The following CSMD1 variants were observed in gnomAD, a reference collection of about 807,000 sequenced individuals.
The protein encoded by CSMD1 is CUB and sushi domain-containing protein 1.
In CSMD1, 213 loss-of-function variants were observed where a neutral mutation model predicts 417.5. That is an observed-to-expected ratio of 0.51 (90% CI 0.46 to 0.57). The LOEUF (loss-of-function observed/expected upper bound fraction) is 0.57, where lower values mean the gene tolerates loss of function less well. Ranked by LOEUF, CSMD1 falls within the 20% of genes least tolerant of loss-of-function variation. The pLI, the probability that CSMD1 is intolerant of heterozygous loss-of-function variation, is 0.00. For missense variants in CSMD1, 6,923 were observed against 4,529.7 expected (o/e 1.53, Z -15.17); for synonymous variants, 2,862 against 1,736.8 (o/e 1.65, Z -16.11).
At chr8:4,752,777 G>A (rs75779106) in intron 1 of CSMD1, among the ~76,000 whole-genome samples, 9 of 152,270 alleles carry the variant, frequency 5.9e-5, no homozygotes, top group African/African-American at 2.2e-4. Flanking sequence ...AGGTATTGCA[G>A]ACTAAACAGG....
intron 5 of CSMD1, among the ~76,000 whole-genome samples, chr8:3,988,720 G>C (rs1814518788): frequency 6.6e-6 from 1 of 152,174 alleles, no homozygotes; most frequent in Admixed American, 6.5e-5. Context: ...ATAGCATTTT[G>C]ATTTTCATTC....
chr8:3,747,037 C>G (rs531373343), intron 6 of CSMD1, among the ~76,000 whole-genome samples: 1 of 152,346 alleles, frequency 6.6e-6, no homozygotes, highest in Non-Finnish European at 1.5e-5. Context: ...AAATAACTCA[C>G]TATCCACCAC....
chr8:4,943,369 G>A (rs1049768344), intron 1 of CSMD1, among the ~76,000 whole-genome samples: 4 of 151,876 alleles, frequency 2.6e-5, no homozygotes, highest in African/African-American at 4.8e-5. Context: ...GGTGGTGGAC[G>A]CCTGTAGTCC....
intron 3 of CSMD1, among the ~76,000 whole-genome samples, chr8:4,199,535 G>A (rs1421314284): frequency 6.6e-6 from 1 of 152,150 alleles, no homozygotes; most frequent in Non-Finnish European, 1.5e-5. Flanking sequence ...GCGATCATCA[G>A]TATTGAATCC....
Position 4,556,598 on chromosome 8 carries a change from A to G in CSMD1, c.302+80744T>C, listed in dbSNP as rs564976456. Among the ~76,000 whole-genome samples the G allele has an allele frequency of 6.6e-5, 10 of 152,356 alleles. No homozygotes were observed. In the South Asian group the frequency reaches 1.9e-3, roughly 28 times the overall value. On this transcript the variant is annotated intron_variant, in intron 2 of 69. Coordinates refer to ENST00000635120, the MANE Select transcript of CSMD1 (RefSeq NM_033225.6). ...AAATAGCAAAGAATAAACGAATAGT[A>G]TATGGTAAAATAATCCTGTTCATTT...
At chr8:3,837,449 G>A (rs756917870) in intron 5 of CSMD1, among the ~76,000 whole-genome samples, 2 of 152,104 alleles carry the variant, frequency 1.3e-5, no homozygotes, top group Non-Finnish European at 2.9e-5. Context: ...GCATTTATAA[G>A]AGAAGAGATG....
chr8:4,284,043 G>C (rs956227531), intron 3 of CSMD1, among the ~76,000 whole-genome samples: 3 of 152,088 alleles, frequency 2.0e-5, no homozygotes, highest in Non-Finnish European at 4.4e-5. Flanking sequence ...AACCAGGCTG[G>C]CCATCATTGT....
chr8:3,532,500 C>T (rs1010094679), intron 10 of CSMD1, among the ~76,000 whole-genome samples: 1 of 152,142 alleles, frequency 6.6e-6, no homozygotes, highest in African/African-American at 2.4e-5. Flanking sequence ...CTCCATATCC[C>T]AACCTTCCCC....
intron 54 of CSMD1, among the ~76,000 whole-genome samples, chr8:2,982,949 CT>C (rs1308803323): frequency 6.6e-6 from 1 of 152,132 alleles, no homozygotes; most frequent in Admixed American, 6.5e-5. Flanking sequence ...ACATAAGAGT[CT>C]GGTGTCCTCT....
intron 3 of CSMD1, among the ~76,000 whole-genome samples, chr8:4,286,444 G>C (rs374257201): frequency 3.3e-5 from 5 of 152,162 alleles, no homozygotes; most frequent in Non-Finnish European, 7.4e-5. Context: ...ATGTTTAGTC[G>C]GTTGCAATAT....
At chr8:3,427,531 C>A (rs561061806) in intron 12 of CSMD1, among the ~76,000 whole-genome samples, 47 of 151,972 alleles carry the variant, frequency 3.1e-4, no homozygotes, top group South Asian at 1.9e-3. Flanking sequence ...GTAAAAAGAA[C>A]CTTCTTCATC....
intron 5 of CSMD1, among the ~76,000 whole-genome samples, chr8:3,989,414 T>C (rs1814580448): frequency 1.3e-5 from 2 of 152,218 alleles, no homozygotes; most frequent in African/African-American, 4.8e-5. Flanking sequence ...TGCCCAACAC[T>C]CTCCAAGCTA....
At chr8:3,839,511 T>A (rs1039101870) in intron 5 of CSMD1, among the ~76,000 whole-genome samples, 8 of 128,736 alleles carry the variant, frequency 6.2e-5, no homozygotes, top group Non-Finnish European at 9.5e-5. Flanking sequence ...TATATATTTA[T>A]ATAGAATATA....
At chr8:3,561,755 T>C (rs141957306) in intron 10 of CSMD1, among the ~76,000 whole-genome samples, 6 of 152,092 alleles carry the variant, frequency 3.9e-5, no homozygotes, top group Non-Finnish European at 7.4e-5. Flanking sequence ...ACTGGACATA[T>C]ACCCGCTTTA....
chr8:4,660,464 G>A (rs1480975019), intron 1 of CSMD1, among the ~76,000 whole-genome samples: 2 of 151,994 alleles, frequency 1.3e-5, no homozygotes, highest in Admixed American at 6.6e-5. Context: ...TGACACACAG[G>A]TTTATTGCAA....
In CSMD1 at chr8:2,949,395, T is replaced by TGGAA; in HGVS notation, c.10315-10_10315-9insTTCC. The TGGAA allele has an allele frequency of 1.4e-6, 1 of 729,274 alleles. No homozygotes were observed. The highest frequency in any genetic ancestry group is 2.0e-6 in the Non-Finnish European group (1 of 496,560). The allele number at this position is 729,274 out of a possible 1,614,324, so 45.2% of individuals were successfully genotyped here. On this transcript the variant is annotated splice_polypyrimidine_tract_variant and intron_variant, in intron 67 of 69. Coordinates refer to ENST00000635120, the MANE Select transcript of CSMD1 (RefSeq NM_033225.6). ...TCAAGTCCAGATGACACCTGACACATAGGAAAGAAAAGAAAAGAAATAAAA... is the reference window on the plus strand; with the variant it reads ...TCAAGTCCAGATGACACCTGACACATGGAAAGGAAAGAAAAGAAAAGAAATAAAA...
chr8:4,366,744 C>T (rs1030685993), intron 3 of CSMD1, among the ~76,000 whole-genome samples: 2 of 152,006 alleles, frequency 1.3e-5, no homozygotes, highest in African/African-American at 2.4e-5. Context: ...TTTTAGGGTA[C>T]ATGTGAACAA....
chr8:4,041,268 C>G (rs938054403), intron 3 of CSMD1, among the ~76,000 whole-genome samples: 1 of 146,550 alleles, frequency 6.8e-6, no homozygotes, highest in African/African-American at 2.5e-5. Context: ...CCGCCCGCCT[C>G]GGCCTCCCAA....
intron 3 of CSMD1, among the ~76,000 whole-genome samples, chr8:4,141,918 G>A (rs1386108541): frequency 6.6e-6 from 1 of 150,940 alleles, no homozygotes; most frequent in Non-Finnish European, 1.5e-5. Flanking sequence ...CTTAGAGTGT[G>A]ATATTTGCTA....
Sources: allele counts gnomAD v4.1 joint callset (sites outside exome capture counted in the v4.1 genomes callset), GRCh38; gene constraint gnomAD v4.1.1; transcripts MANE v1.5; gene names NCBI Gene and HGNC (gene_info 2026-07-23, HGNC 2026-07-21).